FOXP2: variants seen among roughly 807,000 people sequenced by gnomAD.
The protein encoded by FOXP2 is forkhead box protein P2.
In FOXP2, 12 loss-of-function variants were observed where a neutral mutation model predicts 115.8. The observed-to-expected ratio is 0.10, with a 90% confidence interval of 0.07 to 0.17. The LOEUF (loss-of-function observed/expected upper bound fraction) is 0.17, where lower values mean the gene tolerates loss of function less well. Ranked by LOEUF, FOXP2 falls within the 10% of genes least tolerant of loss-of-function variation. The probability of loss-of-function intolerance (pLI) is 1.00; values close to 1 mark genes in which losing one functional copy is unlikely to be tolerated. For missense variants in FOXP2, 629 were observed against 843.5 expected, an observed-to-expected ratio of 0.75 and a Z score of 3.15; for synonymous variants, 328 against 297.7, an observed-to-expected ratio of 1.10 and a Z score of -1.05.
At chr7:114,094,121 T>C (rs892916363) in intron 1 of FOXP2, among the ~76,000 whole-genome samples, 18 of 152,314 alleles carry the variant, frequency 1.2e-4, no homozygotes, top group Non-Finnish European at 2.6e-4. Flanking sequence ...CTTCTTTGCA[T>C]TGGAAAACAT....
intron 6 of FOXP2, among the ~76,000 whole-genome samples, chr7:114,636,652 G>C (rs1454133991): frequency 1.4e-5 from 2 of 143,108 alleles, no homozygotes; most frequent in East Asian, 4.0e-4. Context: ...GTGTAAAAAA[G>C]CTGCCAAGGA....
intron 3 of FOXP2, among the ~76,000 whole-genome samples, chr7:114,572,902 C>T (rs1258021199): frequency 1.3e-5 from 2 of 151,820 alleles, no homozygotes; most frequent in African/African-American, 2.4e-5. Flanking sequence ...GAATTTGTTG[C>T]CCAAGTTTGT....
rs185018859 is a variant in FOXP2 at position 114,600,439 on chromosome 7, G to T, written c.259-28101G>T. ...TCACCTATTGAAAGACATCTTGATTGCTTCCAAATATTGGCAGTTTCAAAG... is the reference window on the plus strand; with the variant it reads ...TCACCTATTGAAAGACATCTTGATTTCTTCCAAATATTGGCAGTTTCAAAG... On this transcript the variant is annotated intron_variant, in intron 3 of 16. Transcript: ENST00000350908. Among the ~76,000 whole-genome samples, 547 of 152,178 alleles carry T rather than the reference G, an allele frequency of 3.6e-3. 3 individuals are homozygous for T. Among genetic ancestry groups the T allele is most frequent in the African/African-American group, 0.013 (527 of 41,508 alleles).
chr7:114,219,610 T>C (rs78770621), intron 1 of FOXP2, among the ~76,000 whole-genome samples: 2 of 152,196 alleles, frequency 1.3e-5, no homozygotes, highest in Non-Finnish European at 2.9e-5. Flanking sequence ...ATCTGTTTTA[T>C]TTATTTGTTT....
At chr7:114,266,807 G>A (rs974135466) in intron 1 of FOXP2, among the ~76,000 whole-genome samples, 1 of 152,096 alleles carries the variant, frequency 6.6e-6, no homozygotes, top group African/African-American at 2.4e-5. Flanking sequence ...TAGACACTCA[G>A]TACTTATTTG....
At chr7:114,300,071 CAACTT>C (rs1362632167) in intron 2 of FOXP2, among the ~76,000 whole-genome samples, 4 of 151,822 alleles carry the variant, frequency 2.6e-5, no homozygotes, top group Non-Finnish European at 5.9e-5. Context: ...CACACACACA[CAACTT>C]TACTTTTGGT....
intron 1 of FOXP2, among the ~76,000 whole-genome samples, chr7:114,093,687 C>T (rs577072991): frequency 4.6e-5 from 7 of 151,552 alleles, no homozygotes; most frequent in Admixed American, 1.3e-4. Context: ...AAACACTGTT[C>T]GTTACTGGCA....
chr7:114,576,610 T>C (rs762649272), intron 3 of FOXP2, among the ~76,000 whole-genome samples: 22 of 151,926 alleles, frequency 1.4e-4, no homozygotes, highest in Non-Finnish European at 2.4e-4. Context: ...TTTCATCAAA[T>C]AAATTGATAC....
At chr7:114,347,117 C>G (rs1791366390) in intron 2 of FOXP2, among the ~76,000 whole-genome samples, 1 of 151,784 alleles carries the variant, frequency 6.6e-6, no homozygotes. Flanking sequence ...TTACTAACAG[C>G]CATTTAAACC....
At chr7:114,227,921 C>T (rs1794781954) in intron 1 of FOXP2, among the ~76,000 whole-genome samples, 1 of 151,980 alleles carries the variant, frequency 6.6e-6, no homozygotes. Context: ...GATCCTCACG[C>T]TATATGTAAT....
chr7:114,308,120 T>C (rs1797059175), intron 2 of FOXP2, among the ~76,000 whole-genome samples: 1 of 152,148 alleles, frequency 6.6e-6, no homozygotes, highest in African/African-American at 2.4e-5. Flanking sequence ...GTAGCTATAA[T>C]TTCATCTTTT....
At chr7:114,544,036 A>G (rs1029902084) in intron 3 of FOXP2, among the ~76,000 whole-genome samples, 1 of 152,016 alleles carries the variant, frequency 6.6e-6, no homozygotes, top group Non-Finnish European at 1.5e-5. Context: ...TCTTTTTCTT[A>G]ATAGAGGCAA....
chr7:114,654,192 AAATCTAT>A, intron 10 of FOXP2, 183 bp downstream of exon 10: 1 of 1,397,198 alleles, frequency 7.2e-7, no homozygotes, highest in Non-Finnish European at 9.5e-7. Flanking sequence ...ATCTTTTACA[AAATCTAT>A]CCAATCTACA....
chr7:114,633,996 G>GT (rs1339159960), intron 6 of FOXP2, among the ~76,000 whole-genome samples: 3 of 151,626 alleles, frequency 2.0e-5, no homozygotes, highest in Admixed American at 6.6e-5. Flanking sequence ...CTTTAAAACT[G>GT]TATCTTTTCT....
At chr7:114,675,935 A>G (rs1807729577) in intron 16 of FOXP2, among the ~76,000 whole-genome samples, 1 of 151,316 alleles carries the variant, frequency 6.6e-6, no homozygotes, top group Admixed American at 6.6e-5. Context: ...TTTGAGACGG[A>G]GTCCCGCTGT....
intron 2 of FOXP2, among the ~76,000 whole-genome samples, chr7:114,496,441 A>G (rs986741954): frequency 1.3e-5 from 2 of 152,196 alleles, no homozygotes; most frequent in African/African-American, 4.8e-5. Flanking sequence ...GAATATGCCA[A>G]TCAGTGCATT....
chr7:114,657,905 T>C (rs984022849), intron 10 of FOXP2, among the ~76,000 whole-genome samples, 161 bp from the exon 11 acceptor site: 4 of 152,196 alleles, frequency 2.6e-5, no homozygotes, highest in African/African-American at 9.6e-5. Context: ...GTTCTTATGA[T>C]ACAATTTCAT....
intron 16 of FOXP2, among the ~76,000 whole-genome samples, chr7:114,672,518 G>A (rs1807544381): frequency 6.6e-6 from 1 of 151,952 alleles, no homozygotes; most frequent in Admixed American, 6.6e-5. Context: ...CCAGGTGGCA[G>A]AAGTTGCAGT....
At chr7:114,222,406 T>A (rs565811869) in intron 1 of FOXP2, among the ~76,000 whole-genome samples, 1 of 152,302 alleles carries the variant, frequency 6.6e-6, no homozygotes, top group South Asian at 2.1e-4. Flanking sequence ...CACCTCAGCC[T>A]CCCAAAATGC....
Sources: gnomAD v4.1 joint callset for allele counts (sites outside exome capture counted in the v4.1 genomes callset) on GRCh38, gnomAD v4.1.1 for gene constraint, MANE v1.5 for transcripts, NCBI Gene and HGNC (gene_info 2026-07-23, HGNC 2026-07-21) for gene names.